GPM6A: variants seen among roughly 807,000 people sequenced by gnomAD.
The protein encoded by GPM6A is glycoprotein M6A.
Under a neutral mutation model 32.1 loss-of-function variants are expected in GPM6A, and 7 were observed. That is an observed-to-expected ratio of 0.22 (90% CI 0.12 to 0.41). GPM6A has a LOEUF of 0.41. Among genes scored for constraint, GPM6A ranks in the 10% least tolerant of loss-of-function variants. GPM6A has a pLI of 1.00. For missense variants in GPM6A, 235 were observed against 347.2 expected (o/e 0.68, Z 2.57); for synonymous variants, 130 against 123.4 (o/e 1.05, Z -0.35).
intron 3 of GPM6A, among the ~76,000 whole-genome samples, chr4:175,672,733 G>C (rs555590853): frequency 2.0e-4 from 31 of 152,062 alleles, no homozygotes; most frequent in African/African-American, 7.5e-4. Context: ...AATAAGTTTT[G>C]TCCCAAACTA....
At chr4:175,711,409 A>AATATATATATATATAT (rs36105210) in intron 1 of GPM6A, among the ~76,000 whole-genome samples, 4 of 53,286 alleles carry the variant, frequency 7.5e-5, no homozygotes, top group African/African-American at 2.5e-4. Context: ...TGGCACACCA[A>AATATATATATATATAT]ATATATATAT....
At chr4:175,918,506 A>T (rs1560993529) in intron 1 of GPM6A, among the ~76,000 whole-genome samples, 1 of 146,652 alleles carries the variant, frequency 6.8e-6, no homozygotes, top group Non-Finnish European at 1.5e-5. Flanking sequence ...TGTCCTTAAC[A>T]ACAAAAAAAA....
chr4:175,962,105 C>G (rs1740184920), intron 1 of GPM6A: 1 of 752,144 alleles, frequency 1.3e-6, no homozygotes, highest in Non-Finnish European at 2.5e-6. Flanking sequence ...CAATAGTAGC[C>G]CATGCTGTGC....
At chr4:175,746,776 A>T (rs1048006053) in intron 1 of GPM6A, among the ~76,000 whole-genome samples, 1 of 152,174 alleles carries the variant, frequency 6.6e-6, no homozygotes, top group Non-Finnish European at 1.5e-5. Flanking sequence ...GCTAGACATA[A>T]GGAGAGTTCG....
At chr4:175,994,362 G>C (rs1009323411) in intron 1 of GPM6A, among the ~76,000 whole-genome samples, 1 of 152,138 alleles carries the variant, frequency 6.6e-6, no homozygotes, top group East Asian at 1.9e-4. Context: ...AATAAAAATA[G>C]TGCAGGCATG....
At chr4:175,962,334 C>T in intron 1 of GPM6A, 2 of 877,102 alleles carry the variant, frequency 2.3e-6, no homozygotes, top group Admixed American at 1.7e-5. Flanking sequence ...CACTCCTGAA[C>T]ATCAGCTTCT....
intron 1 of GPM6A, among the ~76,000 whole-genome samples, chr4:175,765,541 T>C (rs1732929366): frequency 6.6e-6 from 1 of 152,184 alleles, no homozygotes; most frequent in African/African-American, 2.4e-5. Context: ...ACATTACAAG[T>C]CTTCTCTTCT....
intron 1 of GPM6A, among the ~76,000 whole-genome samples, chr4:175,866,631 G>A (rs1255315594): frequency 6.6e-6 from 1 of 152,054 alleles, no homozygotes; most frequent in Non-Finnish European, 1.5e-5. Context: ...ATATTTAATT[G>A]TCTGGATGTA....
At chr4:175,895,263 G>A (rs1737761847) in intron 1 of GPM6A, among the ~76,000 whole-genome samples, 1 of 151,908 alleles carries the variant, frequency 6.6e-6, no homozygotes, top group South Asian at 2.1e-4. Context: ...TATAAGGGCT[G>A]GAATAAACTA....
intron 1 of GPM6A, among the ~76,000 whole-genome samples, chr4:175,894,720 G>T (rs1446299557): frequency 6.6e-6 from 1 of 152,116 alleles, no homozygotes; most frequent in South Asian, 2.1e-4. Context: ...TCTGTCAAAA[G>T]GGGAGTGGCT....
At chr4:175,709,153 G>A (rs576488038) in intron 1 of GPM6A, among the ~76,000 whole-genome samples, 2 of 152,024 alleles carry the variant, frequency 1.3e-5, no homozygotes, top group African/African-American at 2.4e-5. Flanking sequence ...TAATGCGTTC[G>A]TCATCTGAAC....
chr4:175,764,286 A>C (rs143239765), intron 1 of GPM6A, among the ~76,000 whole-genome samples: 1 of 152,264 alleles, frequency 6.6e-6, no homozygotes, highest in Non-Finnish European at 1.5e-5. Flanking sequence ...TTTATGCCTG[A>C]CTTCTTTAAT....
intron 1 of GPM6A, among the ~76,000 whole-genome samples, chr4:175,884,092 G>A (rs911735812): frequency 3.3e-5 from 5 of 152,110 alleles, no homozygotes; most frequent in South Asian, 4.1e-4. Context: ...GTAGAGCAGC[G>A]TGACTTTGCT....
At chr4:175,674,659 T>C (rs1434425362) in intron 2 of GPM6A, among the ~76,000 whole-genome samples, 1 of 152,246 alleles carries the variant, frequency 6.6e-6, no homozygotes, top group East Asian at 1.9e-4. Flanking sequence ...ACGTTACAGA[T>C]AGTCAATTAT....
At chr4:175,946,697 T>G (rs1739619124) in intron 1 of GPM6A, among the ~76,000 whole-genome samples, 1 of 152,102 alleles carries the variant, frequency 6.6e-6, no homozygotes, top group African/African-American at 2.4e-5. Flanking sequence ...GCCCAAGCAC[T>G]GTGGGCAAGG....
At chr4:175,777,541 TA>T (rs1296651666) in intron 1 of GPM6A, among the ~76,000 whole-genome samples, 1 of 151,966 alleles carries the variant, frequency 6.6e-6, no homozygotes, top group Non-Finnish European at 1.5e-5. Context: ...AAAAAAAAGA[TA>T]AAAATATTCT....
intron 1 of GPM6A, among the ~76,000 whole-genome samples, chr4:175,711,567 T>C (rs1372685132): frequency 6.7e-6 from 1 of 149,200 alleles, no homozygotes; most frequent in East Asian, 1.9e-4. Context: ...TATTACAAAA[T>C]ATATTGCATT....
At chr4:175,869,954 C>T (rs188236624) in intron 1 of GPM6A, among the ~76,000 whole-genome samples, 49 of 152,260 alleles carry the variant, frequency 3.2e-4, no homozygotes, top group African/African-American at 1.1e-3. Context: ...TACACAAGGT[C>T]ACATAGCTAA....
chr4:175,823,102 G>A (rs1445577374), intron 1 of GPM6A, among the ~76,000 whole-genome samples: 2 of 152,120 alleles, frequency 1.3e-5, no homozygotes, highest in African/African-American at 4.8e-5. Context: ...TGAGAAAATT[G>A]AGGCTTTCAA....
Sources: gnomAD v4.1 joint callset for allele counts (sites outside exome capture counted in the v4.1 genomes callset) on GRCh38, gnomAD v4.1.1 for gene constraint, MANE v1.5 for transcripts, NCBI Gene and HGNC (gene_info 2026-07-23, HGNC 2026-07-21) for gene names.